The following WDFY4 variants were observed in gnomAD, a reference collection of about 807,000 sequenced individuals.
WDFY4 encodes WDFY family member 4, also known as WD repeat- and FYVE domain-containing protein 4.
Under a neutral mutation model 351.9 loss-of-function variants are expected in WDFY4, and 169 were observed. The ratio of observed to expected loss-of-function variants is 0.48; its 90% CI spans 0.42 to 0.55. The LOEUF is 0.55. WDFY4 is among the 20% of genes least tolerant of loss of function. The pLI is 0.00. For missense variants in WDFY4, 3,803 were observed against 3,935.6 expected (o/e 0.97, Z 0.90); for synonymous variants, 1,622 against 1,574.6 (o/e 1.03, Z -0.71).
intron 19 of WDFY4, among the ~76,000 whole-genome samples, chr10:48,781,685 C>T (rs2066230495): frequency 6.6e-6 from 1 of 152,184 alleles, no homozygotes; most frequent in Admixed American, 6.5e-5. Context: ...TATCAGTCCT[C>T]CCTCCTTCCC....
intron 47 of WDFY4, chr10:48,914,126 G>A: frequency 1.2e-6 from 2 of 1,614,040 alleles, no homozygotes; most frequent in Non-Finnish European, 1.7e-6. Context: ...TGATCTTCTT[G>A]CCCTTGGGGC....
chr10:48,869,165 T>A (rs575212017), intron 40 of WDFY4, among the ~76,000 whole-genome samples: 2 of 152,368 alleles, frequency 1.3e-5, no homozygotes, highest in Non-Finnish European at 2.9e-5. Flanking sequence ...ACCTTTGCCC[T>A]GCTTTTTTAA....
rs1185333635 is a variant in WDFY4, at chr10:48,828,857, G to A, written c.6301G>A (p.Val2101Met). ...AGTCTTCCTTTCCCCAAATGAAGAC[G>A]TGAAAGAAAAAAGAGAAGACTTACC... ...HQVFLSPNED[V>M]KEKREDLPSL... The change falls in exon 37 of 62, where the codon GTG (valine) becomes ATG (methionine). Residue 2101 changes from valine to methionine, a missense_variant. Physicochemically the swap from Val to Met is conservative, Grantham distance 21. Around this residue, in one of 3 missense-constraint regions of WDFY4, gnomAD observed 3,054 missense variants for 3,148.6 expected, o/e 0.97. Coordinates refer to ENST00000325239, the MANE Select transcript of WDFY4 (RefSeq NM_001394531.1). 3.7e-5 allele frequency: 52 copies of A among 1,423,646 alleles called. No individual in the cohort carries two copies. Among genetic ancestry groups the A allele is most frequent in the Middle Eastern group, 3.7e-4 (2 of 5,394 alleles). The allele number at this position is 1,423,646 out of a possible 1,614,324, so 88.2% of individuals were successfully genotyped here.
In WDFY4 at chr10:48,916,251, C is replaced by A. The variant is rs189844453; in HGVS notation, c.7586+14388C>A. Among the ~76,000 whole-genome samples, 332 of 152,282 alleles carry A rather than the reference C, an allele frequency of 2.2e-3. 1 individual carries two copies. Among genetic ancestry groups the A allele is most frequent in the African/African-American group, 7.7e-3 (322 of 41,554 alleles). On this transcript the variant is annotated intron_variant, in intron 47 of 61. Coordinates refer to ENST00000325239, the MANE Select transcript of WDFY4 (RefSeq NM_001394531.1). ...GCAGCCCAGAACACAAAACTTTGCA[C>A]CAGATGAGGACAGAAAGATTTCTGA...
chr10:48,820,524 C>T, intron 33 of WDFY4, 87 bp downstream of exon 33: 3 of 1,418,412 alleles, frequency 2.1e-6, no homozygotes, highest in Non-Finnish European at 2.9e-6. Context: ...CCCAGGGAGA[C>T]AGAGGGCCTG....
Position 48,970,299 on chromosome 10 carries a change from A to G in WDFY4, c.8928+10A>G. ...CTTGCGCCTCCGGCAGGTATGGTCC[A>G]GCTCGTGCAGGTGCGGTCCTCAGGT... On this transcript the variant is annotated intron_variant, in intron 57 of 61. Transcript: ENST00000325239. 13 of 1,549,218 alleles carry G rather than the reference A, an allele frequency of 8.4e-6. No homozygotes were observed. The highest frequency in any genetic ancestry group is 8.7e-6 in the Non-Finnish European group (10 of 1,146,958).
rs184200937 is a variant in WDFY4, at chr10:48,861,600, C to T, written c.6664-5665C>T. On this transcript the variant is annotated intron_variant, in intron 39 of 61. Transcript: ENST00000325239. ...TTCCCCTCTAGGTAAGGTGTTGTTT[C>T]TCTCTTCCTGTGTTTAGGATTTTTT... Among the ~76,000 whole-genome samples, 97 of 152,232 alleles carry T rather than the reference C, an allele frequency of 6.4e-4. No homozygotes were observed. In the Middle Eastern group the frequency reaches 0.01, roughly 16 times the overall value.
At chr10:48,862,673 T>G (rs1264178019) in intron 39 of WDFY4, among the ~76,000 whole-genome samples, 3 of 152,238 alleles carry the variant, frequency 2.0e-5, no homozygotes, top group African/African-American at 7.2e-5. Context: ...ACTTGAATCA[T>G]CCTGAAACCA....
At chr10:48,823,339 G>A in intron 35 of WDFY4, 1 of 1,274,554 alleles carries the variant, frequency 7.8e-7, no homozygotes, top group African/African-American at 1.5e-5. Flanking sequence ...ATCAAGCTGG[G>A]ATCTACCTCC....
intron 1 of WDFY4, among the ~76,000 whole-genome samples, chr10:48,699,576 G>C (rs2063424188): frequency 6.6e-6 from 1 of 152,146 alleles, no homozygotes. Context: ...GCAGGCTCCT[G>C]CTCCCAGCCT....
intron 12 of WDFY4, 27 bp from the exon 13 acceptor site, chr10:48,760,320 C>T: frequency 6.5e-7 from 1 of 1,547,656 alleles, no homozygotes. Context: ...GTCCGTGTCT[C>T]ATGTCTGGCT....
At chr10:48,784,887 C>T (rs1475775717) in intron 19 of WDFY4, among the ~76,000 whole-genome samples, 4 of 133,264 alleles carry the variant, frequency 3.0e-5, no homozygotes, top group Admixed American at 8.3e-5. Flanking sequence ...GGAGTAGTCT[C>T]GCTCTGTCAC....
intron 47 of WDFY4, among the ~76,000 whole-genome samples, chr10:48,926,817 C>A (rs1839610168): frequency 6.6e-6 from 1 of 152,164 alleles, no homozygotes; most frequent in Non-Finnish European, 1.5e-5. Context: ...ACACATAATG[C>A]CACGAGCCAG....
chr10:48,915,077 C>G (rs1838389833), intron 47 of WDFY4, among the ~76,000 whole-genome samples: 1 of 152,184 alleles, frequency 6.6e-6, no homozygotes, highest in Admixed American at 6.5e-5. Context: ...CAGCTCTACT[C>G]TACTCACAAT....
chr10:48,729,457 G>A lies in WDFY4; in HGVS notation c.997G>A (p.Val333Met). ...LRYDGLTQSE[V>M]DPHLEELLGL... ...GTATGATGGGCTGACCCAGAGCGAA[G>A]TGGACCCGCATCTGGAGGAGCTCCT... is the stretch of plus-strand genomic sequence containing the variant. The change falls in exon 8 of 62, where the codon GTG becomes ATG. Residue 333 changes from valine to methionine, a missense_variant. Around this residue, in one of 3 missense-constraint regions of WDFY4, gnomAD observed 488 missense variants for 456.8 expected, o/e 1.07. Coordinates refer to ENST00000325239, the MANE Select transcript of WDFY4 (RefSeq NM_001394531.1). 1 of 1,551,380 alleles carries A rather than the reference G, an allele frequency of 6.4e-7. No individual in the cohort carries two copies.
At chr10:48,953,953 T>C (rs1047158849) in intron 51 of WDFY4, among the ~76,000 whole-genome samples, 5 of 152,200 alleles carry the variant, frequency 3.3e-5, no homozygotes, top group African/African-American at 1.2e-4. Flanking sequence ...TATAGAACAT[T>C]TCTTTTCAGG....
At chr10:48,690,073 T>C (rs1405600577) in intron 1 of WDFY4, among the ~76,000 whole-genome samples, 1 of 152,250 alleles carries the variant, frequency 6.6e-6, no homozygotes, top group Non-Finnish European at 1.5e-5. Context: ...GGCAGGAGTA[T>C]GACAGTGGTT....
chr10:48,885,645 A>G (rs2070422371), intron 43 of WDFY4, among the ~76,000 whole-genome samples: 2 of 152,148 alleles, frequency 1.3e-5, no homozygotes, highest in Non-Finnish European at 2.9e-5. Flanking sequence ...GCATCATTAC[A>G]TTCCTTTCTA....
chr10:48,742,218 C>T (rs954118604), intron 11 of WDFY4, among the ~76,000 whole-genome samples: 1 of 152,198 alleles, frequency 6.6e-6, no homozygotes, highest in African/African-American at 2.4e-5. Context: ...TGGTGGATTC[C>T]ACGATGTATC....
Sources: gnomAD v4.1 joint callset for allele counts (sites outside exome capture counted in the v4.1 genomes callset) on GRCh38, gnomAD v4.1.1 for gene constraint, gnomAD v4.1.1 regional missense constraint, MANE v1.5 for transcripts, NCBI Gene and HGNC (gene_info 2026-07-23, HGNC 2026-07-21) for gene names.